The following PLCH1 variants were observed in gnomAD, a reference collection of about 807,000 sequenced individuals.
PLCH1 encodes the protein 1-phosphatidylinositol 4,5-bisphosphate phosphodiesterase eta-1.
A neutral mutation model predicts 126.7 loss-of-function variants in PLCH1; 60 were observed. The ratio of observed to expected loss-of-function variants is 0.47; its 90% CI spans 0.38 to 0.59. PLCH1 has a LOEUF of 0.59. PLCH1 is among the 20% of genes least tolerant of loss of function. The pLI is 0.00. For missense variants in PLCH1, 1,723 were observed against 2,040.0 expected (o/e 0.84, Z 2.99); for synonymous variants, 719 against 734.9 (o/e 0.98, Z 0.35).
At chr3:155,693,184 T>TAAAACACATTATTGA (rs147636896) in intron 2 of PLCH1, among the ~76,000 whole-genome samples, 1 of 96,024 alleles carries the variant, frequency 1.0e-5, no homozygotes. Flanking sequence ...AGCACAGACT[T>TAAAACACATTATTGA]GCCGGGCGCG....
At chr3:155,659,496 T>C (rs1382087570) in intron 2 of PLCH1, among the ~76,000 whole-genome samples, 1 of 151,276 alleles carries the variant, frequency 6.6e-6, no homozygotes, top group African/African-American at 2.4e-5. Context: ...GGCTCATTTT[T>C]GTTTTTGTTT....
At chr3:155,493,951 C>T (rs1392411121) in intron 17 of PLCH1, among the ~76,000 whole-genome samples, 190 bp downstream of exon 17, 1 of 151,944 alleles carries the variant, frequency 6.6e-6, no homozygotes, top group Non-Finnish European at 1.5e-5. Flanking sequence ...CACGGCTAAC[C>T]AAATATTAAG....
At chr3:155,696,113 C>T (rs1225871377) in intron 2 of PLCH1, among the ~76,000 whole-genome samples, 2 of 152,042 alleles carry the variant, frequency 1.3e-5, no homozygotes, top group African/African-American at 2.4e-5. Context: ...GAACTGAAGC[C>T]GTGGGAGTAG....
intron 2 of PLCH1, among the ~76,000 whole-genome samples, chr3:155,662,817 C>T (rs1742318654): frequency 6.6e-6 from 1 of 152,102 alleles, no homozygotes; most frequent in African/African-American, 2.4e-5. Flanking sequence ...GCGACAACCA[C>T]CACGCCCGGC....
intron 1 of PLCH1, among the ~76,000 whole-genome samples, chr3:155,714,786 A>C (rs957974300): frequency 3.9e-5 from 6 of 152,194 alleles, no homozygotes; most frequent in Admixed American, 2.0e-4. Flanking sequence ...GCATTACTGG[A>C]CTTGAATTGC....
intron 2 of PLCH1, among the ~76,000 whole-genome samples, chr3:155,656,047 G>A (rs1008433550): frequency 3.3e-5 from 5 of 151,922 alleles, no homozygotes; most frequent in Admixed American, 6.6e-5. Context: ...CTGACTCAAC[G>A]AAATAAATTT....
intron 2 of PLCH1, among the ~76,000 whole-genome samples, chr3:155,626,565 C>G (rs745701629): frequency 6.6e-6 from 1 of 151,702 alleles, no homozygotes; most frequent in Non-Finnish European, 1.5e-5. Context: ...GTCAGGAGAT[C>G]GAGACCATCC....
At chr3:155,599,782 A>G (rs1311590480) in intron 2 of PLCH1, among the ~76,000 whole-genome samples, 6 of 152,184 alleles carry the variant, frequency 3.9e-5, no homozygotes, top group African/African-American at 1.4e-4. Context: ...AACAGCAAGG[A>G]CTGCCTATGT....
At chr3:155,455,014 C>T (rs1329841162) in intron 21 of PLCH1, among the ~76,000 whole-genome samples, 1 of 152,190 alleles carries the variant, frequency 6.6e-6, no homozygotes. Context: ...TATAGTACCA[C>T]CTTGAATTTG....
chr3:155,563,170 G>T (rs962130470), intron 8 of PLCH1, among the ~76,000 whole-genome samples: 1 of 152,024 alleles, frequency 6.6e-6, no homozygotes, highest in Non-Finnish European at 1.5e-5. Flanking sequence ...AAGTCCTCAG[G>T]CCTCTTCCTC....
chr3:155,571,198 C>A (rs1023688257), intron 6 of PLCH1, among the ~76,000 whole-genome samples: 2 of 152,108 alleles, frequency 1.3e-5, no homozygotes, highest in African/African-American at 4.8e-5. Flanking sequence ...CTATGATTCT[C>A]AACAACACCA....
At chr3:155,554,869 T>C (rs185916495) in intron 8 of PLCH1, among the ~76,000 whole-genome samples, 6 of 152,354 alleles carry the variant, frequency 3.9e-5, no homozygotes, top group Admixed American at 2.6e-4. Context: ...AAGTAGCTTG[T>C]AACACTGCAT....
chr3:155,573,889 G>A (rs1488184979), intron 6 of PLCH1, among the ~76,000 whole-genome samples: 4 of 152,008 alleles, frequency 2.6e-5, no homozygotes, highest in South Asian at 4.1e-4. Context: ...ACACTCAGCC[G>A]TGTGTGGCAT....
At chr3:155,687,392 C>A (rs1353564316) in intron 2 of PLCH1, among the ~76,000 whole-genome samples, 1 of 151,760 alleles carries the variant, frequency 6.6e-6, no homozygotes, top group Admixed American at 6.6e-5. Context: ...AATAGGAAAC[C>A]AATAACATTT....
intron 1 of PLCH1, among the ~76,000 whole-genome samples, chr3:155,734,002 G>A (rs1748972296): frequency 7.3e-6 from 1 of 137,448 alleles, no homozygotes; most frequent in Non-Finnish European, 1.5e-5. Context: ...CTAGTCATCA[G>A]GAAAGTGCAA....
At chr3:155,698,709 C>G (rs747263798) in intron 2 of PLCH1, among the ~76,000 whole-genome samples, 2 of 152,170 alleles carry the variant, frequency 1.3e-5, no homozygotes, top group Non-Finnish European at 2.9e-5. Context: ...AGTAACTCAG[C>G]CAGTGGGAAC....
chr3:155,665,863 T>C (rs1742668429), intron 2 of PLCH1, among the ~76,000 whole-genome samples: 1 of 152,220 alleles, frequency 6.6e-6, no homozygotes, highest in Non-Finnish European at 1.5e-5. Context: ...TTTCAGAGCA[T>C]AAACTTCTGA....
chr3:155,505,478 G>T (rs1173173466), intron 12 of PLCH1, among the ~76,000 whole-genome samples: 1 of 152,204 alleles, frequency 6.6e-6, no homozygotes, highest in Non-Finnish European at 1.5e-5. Flanking sequence ...AAACAGAGAA[G>T]AAGCAGGTAA....
intron 6 of PLCH1, among the ~76,000 whole-genome samples, chr3:155,574,435 C>T (rs180876609): frequency 4.3e-4 from 65 of 152,166 alleles, no homozygotes; most frequent in Non-Finnish European, 6.6e-4. Context: ...GGAGTTGCTT[C>T]GAGGCTTCTC....
Sources: allele counts gnomAD v4.1 joint callset (sites outside exome capture counted in the v4.1 genomes callset), GRCh38; gene constraint gnomAD v4.1.1; transcripts MANE v1.5; gene names NCBI Gene and HGNC (gene_info 2026-07-23, HGNC 2026-07-21).